Variants in VPS41 observed in about 807,000 individuals in gnomAD.
The protein encoded by VPS41 is vacuolar protein sorting-associated protein 41 homolog.
Under a neutral mutation model 130.9 loss-of-function variants are expected in VPS41, and 85 were observed. The observed-to-expected ratio is 0.65, with a 90% CI of 0.55 to 0.78. The LOEUF is 0.78. Among genes scored for constraint, VPS41 ranks in the 30% least tolerant of loss-of-function variants. The pLI is 0.00. For missense variants in VPS41, 874 were observed against 1,018.7 expected (o/e 0.86, Z 1.93); for synonymous variants, 335 against 332.9 (o/e 1.01, Z -0.07).
intron 22 of VPS41, among the ~76,000 whole-genome samples, chr7:38,748,464 A>C (rs10282650): frequency 6.6e-6 from 1 of 151,776 alleles, no homozygotes; most frequent in African/African-American, 2.4e-5. Context: ...CTTCTCTTTA[A>C]ATTTCTTTAA....
chr7:38,855,195 T>G (rs1785955125), intron 4 of VPS41, among the ~76,000 whole-genome samples: 1 of 114,714 alleles, frequency 8.7e-6, no homozygotes, highest in Admixed American at 1.2e-4. Flanking sequence ...GCTGACAGAG[T>G]GAGACTCCCT....
chr7:38,869,935 T>C (rs892665857), intron 2 of VPS41, among the ~76,000 whole-genome samples: 3 of 152,146 alleles, frequency 2.0e-5, no homozygotes, highest in Admixed American at 1.3e-4. Flanking sequence ...ATGGAATATA[T>C]AACAACATCT....
chr7:38,858,780 A>G (rs1052689530), intron 4 of VPS41, among the ~76,000 whole-genome samples: 3 of 152,234 alleles, frequency 2.0e-5, no homozygotes, highest in African/African-American at 4.8e-5. Context: ...TATGTACTAC[A>G]TAATACGTGA....
chr7:38,750,382 A>C (rs1035292188), intron 22 of VPS41, among the ~76,000 whole-genome samples: 11 of 152,232 alleles, frequency 7.2e-5, no homozygotes, highest in Admixed American at 3.3e-4. Context: ...AGTCCTAAAA[A>C]TATGGATTAC....
At chr7:38,751,844 C>G (rs1204284967) in intron 22 of VPS41, among the ~76,000 whole-genome samples, 1 of 152,208 alleles carries the variant, frequency 6.6e-6, no homozygotes, top group East Asian at 1.9e-4. Context: ...GCTCTTGACT[C>G]TGAGGTGTCA....
intron 9 of VPS41, among the ~76,000 whole-genome samples, chr7:38,794,480 A>G (rs1784585513): frequency 6.6e-6 from 1 of 152,254 alleles, no homozygotes; most frequent in Admixed American, 6.5e-5. Flanking sequence ...CGTCCCCTTC[A>G]TGACATTGCT....
At chr7:38,879,660 G>A (rs1199543965) in intron 2 of VPS41, among the ~76,000 whole-genome samples, 1 of 152,132 alleles carries the variant, frequency 6.6e-6, no homozygotes, top group African/African-American at 2.4e-5. Flanking sequence ...TCAGGCATTA[G>A]ATCCTCATAA....
At position 38,814,886 on chromosome 7, in the gene VPS41, T is replaced by C. The variant is rs192160853; in HGVS notation, c.450+2931A>G. Among the ~76,000 whole-genome samples the C allele has an allele frequency of 5.3e-5, 8 of 152,250 alleles. No individual in the cohort carries two copies. The East Asian group carries it at 1.5e-3, about 29-fold the overall frequency. ...GAAATATTTAAACCAAAGTGATTTA[T>C]CAATATTTTAAGTGTATAGCAGATT... On this transcript the variant is annotated intron_variant, in intron 7 of 28. Transcript: ENST00000310301.
chr7:38,890,072 A>T (rs1025658793), intron 2 of VPS41, among the ~76,000 whole-genome samples: 7 of 152,174 alleles, frequency 4.6e-5, no homozygotes, highest in Admixed American at 4.6e-4. Flanking sequence ...GGAACTAAAA[A>T]ATATTATAAA....
At chr7:38,851,070 C>A (rs1437791071) in intron 4 of VPS41, among the ~76,000 whole-genome samples, 1 of 152,132 alleles carries the variant, frequency 6.6e-6, no homozygotes, top group Non-Finnish European at 1.5e-5. Context: ...TAACAAGATC[C>A]CCACCCCACC....
intron 10 of VPS41, among the ~76,000 whole-genome samples, chr7:38,786,896 G>A (rs1041329122): frequency 1.3e-5 from 2 of 152,042 alleles, no homozygotes; most frequent in African/African-American, 4.8e-5. Flanking sequence ...GATAAAGAGA[G>A]ATACTTAGAT....
intron 3 of VPS41, among the ~76,000 whole-genome samples, chr7:38,865,136 A>G (rs962063336): frequency 2.6e-5 from 4 of 152,210 alleles, no homozygotes; most frequent in Admixed American, 2.6e-4. Context: ...GCCTTCAATT[A>G]CACATGAGGA....
At chr7:38,901,064 A>G (rs1787129550) in intron 1 of VPS41, among the ~76,000 whole-genome samples, 1 of 152,230 alleles carries the variant, frequency 6.6e-6, no homozygotes, top group Non-Finnish European at 1.5e-5. Flanking sequence ...CATTTAAAGA[A>G]TCTAACTTCA....
rs1267110326 is a variant in VPS41 at position 38,723,027 on chromosome 7, T to C, written c.*3219A>G. ...GCTATATTCTTATAATAAAGCAAGC[T>C]AAAGAAAATAGTAAGAAAATCATAA... On this transcript the variant is annotated 3_prime_UTR_variant, in exon 29 of 29. Coordinates refer to ENST00000310301, the MANE Select transcript of VPS41 (RefSeq NM_014396.4). The C allele has an allele frequency of 1.3e-5, 2 of 152,122 alleles. No individual in the cohort carries two copies. Among genetic ancestry groups the C allele is most frequent in the African/African-American group, 4.8e-5 (2 of 41,422 alleles). 9.4% of individuals were successfully genotyped at this position (152,122 alleles called of 1,614,324 possible).
intron 22 of VPS41, among the ~76,000 whole-genome samples, chr7:38,751,684 T>G (rs1783675643): frequency 6.6e-6 from 1 of 152,122 alleles, no homozygotes; most frequent in Non-Finnish European, 1.5e-5. Context: ...TATAGTGGAA[T>G]GTAGGATGTA....
intron 18 of VPS41, among the ~76,000 whole-genome samples, chr7:38,757,855 T>A (rs1783832822): frequency 2.0e-5 from 3 of 152,168 alleles, no homozygotes; most frequent in Admixed American, 1.3e-4. Context: ...AAAGCCTGCA[T>A]CACTGAATGT....
intron 1 of VPS41, among the ~76,000 whole-genome samples, chr7:38,904,121 T>C (rs1787202210): frequency 1.3e-5 from 2 of 151,868 alleles, no homozygotes; most frequent in South Asian, 4.1e-4. Context: ...AAAAAAACCA[T>C]AAGGAGGCCC....
intron 7 of VPS41, among the ~76,000 whole-genome samples, chr7:38,811,449 T>C (rs1784940684): frequency 6.6e-6 from 1 of 152,036 alleles, no homozygotes; most frequent in Non-Finnish European, 1.5e-5. Flanking sequence ...TAAATCAAAG[T>C]TTGTATGTTA....
At chr7:38,760,122 C>A (rs2286088) in intron 17 of VPS41, among the ~76,000 whole-genome samples, 1 of 151,998 alleles carries the variant, frequency 6.6e-6, no homozygotes, top group Non-Finnish European at 1.5e-5. Context: ...CAGTATCTTG[C>A]TCAGTCTCTA....
Sources: gnomAD v4.1 joint callset for allele counts (sites outside exome capture counted in the v4.1 genomes callset) on GRCh38, gnomAD v4.1.1 for gene constraint, MANE v1.5 for transcripts, NCBI Gene and HGNC (gene_info 2026-07-23, HGNC 2026-07-21) for gene names.